The following FNIP2 variants were observed in gnomAD, a reference collection of about 807,000 sequenced individuals.
FNIP2 encodes folliculin-interacting protein 2.
In FNIP2, 32 loss-of-function variants were observed where a neutral mutation model predicts 108.7. The ratio of observed to expected loss-of-function variants is 0.29; its 90% CI spans 0.22 to 0.40. The LOEUF (loss-of-function observed/expected upper bound fraction) is 0.40, where lower values mean the gene tolerates loss of function less well. Among genes scored for constraint, FNIP2 ranks in the 10% least tolerant of loss-of-function variants. The pLI is 1.00. For missense variants in FNIP2, 1,202 were observed against 1,381.6 expected, an observed-to-expected ratio of 0.87 and a Z score of 2.06; for synonymous variants, 480 against 496.7, an observed-to-expected ratio of 0.97 and a Z score of 0.45.
intron 16 of FNIP2, among the ~76,000 whole-genome samples, chr4:158,896,085 G>C (rs939304260): frequency 6.6e-6 from 1 of 152,092 alleles, no homozygotes; most frequent in Non-Finnish European, 1.5e-5. Flanking sequence ...AGGACTTTAG[G>C]CTGGTCGTGC....
rs73858598 is a variant in FNIP2, at chr4:158,868,349, G to A, written c.1713G>A (p.Thr571=). 1,092 of 1,613,970 alleles carry A rather than the reference G, an allele frequency of 6.8e-4. 3 individuals are homozygous for A. In the African/African-American group the frequency reaches 7.6e-3, roughly 11 times the overall value. ...AGGAGTCTGAGTATGTGGTCATTAC[G>A]GTGAGGAACGAGCCCGCTCTTGTAC... ...EVEESEYVVI[T]VRNEPALVPP... Residue 571 remains threonine (T), a synonymous_variant, in exon 13 of 17, where the codon ACG becomes ACA. Coordinates refer to ENST00000264433, the MANE Select transcript of FNIP2 (RefSeq NM_020840.3). This position sits in a 1 kb window ranked among gnomAD's most constrained non-coding sequence, Gnocchi z 4.6.
In FNIP2 at chr4:158,813,920, T is replaced by C. The variant is rs185607889; in HGVS notation, c.108-11996T>C. 1.6e-3 allele frequency among the ~76,000 whole-genome samples: 244 copies of C among 152,380 alleles called. 4 individuals carry two copies. The highest frequency in any genetic ancestry group is 1.8e-3 in the Non-Finnish European group (125 of 68,040). ...TGGATGTCCAGTTATTCCAGCACCATTTGTTGAAAAGACTGTCTTTGCTCC... is the reference window on the plus strand; with the variant it reads ...TGGATGTCCAGTTATTCCAGCACCACTTGTTGAAAAGACTGTCTTTGCTCC... On this transcript the variant is annotated intron_variant, in intron 1 of 16. Transcript: ENST00000264433.
chr4:158,880,748 C>A (rs565462641), intron 14 of FNIP2, among the ~76,000 whole-genome samples: 3 of 152,100 alleles, frequency 2.0e-5, no homozygotes, highest in Non-Finnish European at 4.4e-5. Context: ...ATTCACACAC[C>A]TCTGCAGTCC....
intron 13 of FNIP2, 105 bp downstream of exon 13, chr4:158,869,533 C>G: frequency 7.3e-7 from 1 of 1,376,796 alleles, no homozygotes. Flanking sequence ...GCTTTACACA[C>G]AGTATCTTTT....
At chr4:158,822,675 A>T (rs1313057182) in intron 1 of FNIP2, among the ~76,000 whole-genome samples, 3 of 152,084 alleles carry the variant, frequency 2.0e-5, no homozygotes, top group Non-Finnish European at 4.4e-5. Context: ...TTTTTAAAAA[A>T]TTTTAAACAG....
At chr4:158,878,531 AAACCAG>A (rs1781406632) in intron 14 of FNIP2, among the ~76,000 whole-genome samples, 2 of 152,234 alleles carry the variant, frequency 1.3e-5, no homozygotes, top group South Asian at 4.1e-4. Context: ...AATAAACATA[AAACCAG>A]AAGCATAGAA....
chr4:158,894,428 T>A (rs1782504993), intron 15 of FNIP2, among the ~76,000 whole-genome samples: 1 of 152,104 alleles, frequency 6.6e-6, no homozygotes, highest in Non-Finnish European at 1.5e-5. Flanking sequence ...TACCTCAGCC[T>A]CCCAAAGTGC....
At chr4:158,890,503 G>A in intron 14 of FNIP2, 1 of 290,626 alleles carries the variant, frequency 3.4e-6, no homozygotes, top group African/African-American at 2.3e-5. Context: ...TTACAGTATT[G>A]CATCATGCAT....
chr4:158,795,690 C>T (rs912295115), intron 1 of FNIP2, among the ~76,000 whole-genome samples: 1 of 152,166 alleles, frequency 6.6e-6, no homozygotes, highest in African/African-American at 2.4e-5. Context: ...GGCAAGGGAG[C>T]GAAGCTTCAT....
intron 7 of FNIP2, among the ~76,000 whole-genome samples, chr4:158,837,720 A>G (rs1778888485): frequency 6.6e-6 from 1 of 152,198 alleles, no homozygotes; most frequent in Non-Finnish European, 1.5e-5. Context: ...GACTGACCAG[A>G]TTGGAGGAAA....
At chr4:158,800,751 T>C (rs989219373) in intron 1 of FNIP2, among the ~76,000 whole-genome samples, 2 of 152,224 alleles carry the variant, frequency 1.3e-5, no homozygotes, top group African/African-American at 4.8e-5. Flanking sequence ...TTTAGTTTTA[T>C]AAAAGCATAC....
At chr4:158,836,435 T>C (rs895586506) in intron 7 of FNIP2, 2 of 152,154 alleles carry the variant, frequency 1.3e-5, no homozygotes, top group Admixed American at 6.5e-5. Flanking sequence ...ATTTTATTTA[T>C]GGTTAAAATC....
intron 16 of FNIP2, among the ~76,000 whole-genome samples, chr4:158,901,194 G>A (rs564766825): frequency 2.3e-3 from 342 of 148,776 alleles, no homozygotes; most frequent in African/African-American, 8.0e-3. Flanking sequence ...GTGCAGTGGC[G>A]TGATCTTAGC....
In FNIP2 at chr4:158,861,620, T is replaced by C. The variant is rs774663231; in HGVS notation, c.1309T>C (p.Leu437=). The C allele has an allele frequency of 1.9e-6, 3 of 1,614,054 alleles. No homozygotes were observed. In the Admixed American group the frequency reaches 5.0e-5, roughly 27 times the overall value. ...QINKNQFFAA[L]LTAVLTYHLA... ...CATTTCTCCAAGGTTTTTTGCTGCC[T>C]TACTGACTGCGGTGTTAACCTACCA... Residue 437 remains leucine (L), a synonymous_variant, in exon 12 of 17, where the codon TTA becomes CTA. Coordinates refer to ENST00000264433, the MANE Select transcript of FNIP2 (RefSeq NM_020840.3).
intron 1 of FNIP2, among the ~76,000 whole-genome samples, chr4:158,813,901 TC>T (rs1446463065): frequency 2.0e-5 from 3 of 152,230 alleles, no homozygotes; most frequent in Non-Finnish European, 4.4e-5. Flanking sequence ...CACCTGGATG[TC>T]CAGTTATTCC....
At position 158,769,271 on chromosome 4, in the gene FNIP2, C is replaced by A; in HGVS notation, c.59C>A (p.Ala20Glu). The change falls in exon 1 of 17, where the codon GCG becomes GAG. Residue 20 changes from alanine (A) to glutamate (E), a missense_variant. By Grantham distance (107) the Ala-to-Glu change is moderately radical. Transcript: ENST00000264433. The stretch of plus-strand genomic sequence containing the variant: ...AAAAGGGGCAGCAGCGGCAGCTCCG[C>A]GGCGGCGTCTGCCCAGGGCAGGGCT... ...FNKRGSSGSS[A>E]AASAQGRAPK... 6.5e-7 allele frequency: 1 copy of A among 1,542,804 alleles called. No individual in the cohort carries two copies. Among genetic ancestry groups the A allele is most frequent in the Non-Finnish European group, 8.7e-7 (1 of 1,148,686 alleles).
intron 14 of FNIP2, among the ~76,000 whole-genome samples, chr4:158,874,268 GTTTC>G (rs1461216714): frequency 6.6e-6 from 1 of 152,134 alleles, no homozygotes; most frequent in East Asian, 1.9e-4. Context: ...CCTTGGGCAA[GTTTC>G]TTTAATTTTC....
chr4:158,834,288 TTCTCTCTCTCTCTC>T (rs71587480), intron 6 of FNIP2: 16 of 63,242 alleles, frequency 2.5e-4, no homozygotes, highest in Non-Finnish European at 3.8e-4. Flanking sequence ...CATGGAAGAC[TTCTCTCTCTCTCTC>T]TCTCTCTCTC....
intron 1 of FNIP2, among the ~76,000 whole-genome samples, chr4:158,802,577 C>T (rs1776799178): frequency 6.6e-6 from 1 of 152,094 alleles, no homozygotes; most frequent in South Asian, 2.1e-4. Context: ...TGCTTTTCAT[C>T]ATTTGAAGAA....
Sources: allele counts gnomAD v4.1 joint callset (sites outside exome capture counted in the v4.1 genomes callset), GRCh38; gene constraint gnomAD v4.1.1; non-coding constraint Gnocchi (gnomAD v3.1); transcripts MANE v1.5; gene names NCBI Gene and HGNC (gene_info 2026-07-23, HGNC 2026-07-21).